Variants in FMN1 observed in about 807,000 individuals in gnomAD.
FMN1 encodes formin-1.
In FMN1, 110 loss-of-function variants were observed where a neutral mutation model predicts 132.4. The observed-to-expected ratio is 0.83, with a 90% confidence interval of 0.71 to 0.97. The LOEUF (loss-of-function observed/expected upper bound fraction) is 0.97. Ranked by LOEUF, FMN1 falls within the 50% of genes least tolerant of loss-of-function variation. FMN1 has a pLI of 0.00. For missense variants in FMN1, 1,792 were observed against 1,705.3 expected (o/e 1.05, Z -0.90); for synonymous variants, 722 against 651.7 (o/e 1.11, Z -1.64).
rs200309349 is a variant in FMN1, at chr15:32,848,983, T to TTTG, written c.3928+8031_3928+8032insCAA. Among the ~76,000 whole-genome samples the TTTG allele has an allele frequency of 7.5e-3, 877 of 117,320 alleles. 13 individuals are homozygous for TTTG. Among genetic ancestry groups the TTTG allele is most frequent in the African/African-American group, 0.04 (829 of 20,714 alleles). The allele number at this position is 117,320 out of a possible 152,430, so 77.0% of individuals were successfully genotyped here. On this transcript the variant is annotated intron_variant, in intron 17 of 20. Coordinates refer to ENST00000616417, the MANE Select transcript of FMN1 (RefSeq NM_001277313.2). ...CTTGGGTTAGTTCTCTTTTGTTTTT[T>TTTG]TTTTTTTTTTTTTTTTCAGAGACAG... is the stretch of plus-strand genomic sequence containing the variant.
chr15:32,786,008 T>C (rs2056866262), intron 19 of FMN1, among the ~76,000 whole-genome samples: 1 of 152,150 alleles, frequency 6.6e-6, no homozygotes, highest in Non-Finnish European at 1.5e-5. Context: ...GTCTAAAAAA[T>C]GGATACGGTA....
chr15:33,172,443 C>A (rs1032293651), intron 3 of FMN1, among the ~76,000 whole-genome samples: 18 of 152,292 alleles, frequency 1.2e-4, no homozygotes, highest in African/African-American at 4.1e-4. Context: ...AGGTACCACA[C>A]ATGCGGTGAG....
Position 33,154,973 on chromosome 15 carries a change from C to A in FMN1, c.-59G>T. 1 of 1,403,454 alleles carries A rather than the reference C, an allele frequency of 7.1e-7. No homozygotes were observed. 86.9% of individuals were successfully genotyped at this position (1,403,454 alleles called of 1,614,324 possible). ...CCGGTTTGTGGTCAGGCTTCCCAGG[C>A]TCCAGTGGTGAGGCATGTGATGGTG... On this transcript the variant is annotated 5_prime_UTR_variant, in exon 4 of 21. Coordinates refer to ENST00000616417, the MANE Select transcript of FMN1 (RefSeq NM_001277313.2).
chr15:32,931,636 T>C (rs539656162), intron 9 of FMN1, among the ~76,000 whole-genome samples: 1 of 152,332 alleles, frequency 6.6e-6, no homozygotes, highest in East Asian at 1.9e-4. Flanking sequence ...TATAAGATCA[T>C]ATCTGTGAAC....
chr15:32,782,424 ACTGATTAG>A (rs1398291074), intron 19 of FMN1, among the ~76,000 whole-genome samples: 3 of 152,240 alleles, frequency 2.0e-5, no homozygotes, highest in Non-Finnish European at 4.4e-5. Flanking sequence ...AGTTCCAGTT[ACTGATTAG>A]CTGATTAAGT....
intron 15 of FMN1, among the ~76,000 whole-genome samples, chr15:32,888,940 C>G (rs2059960446): frequency 6.6e-6 from 1 of 151,302 alleles, no homozygotes; most frequent in African/African-American, 2.4e-5. Flanking sequence ...TTCACTGCAG[C>G]CTTGACCTTC....
At chr15:33,172,132 T>C (rs904854971) in intron 3 of FMN1, among the ~76,000 whole-genome samples, 2 of 150,556 alleles carry the variant, frequency 1.3e-5, no homozygotes, top group African/African-American at 2.5e-5. Flanking sequence ...GGCGTGAACC[T>C]GGAAGGCGGA....
rs2035619177 is a variant in FMN1, at chr15:33,025,399, T to C, written c.2162-17324A>G. Among the ~76,000 whole-genome samples, 3 of 152,254 alleles carry C rather than the reference T, an allele frequency of 2.0e-5. No homozygotes were observed. The South Asian group carries it at 6.2e-4, about 32-fold the overall frequency. On this transcript the variant is annotated intron_variant, in intron 6 of 20. Transcript: ENST00000616417. ...TTCAGGAACATATATTTTCAAAATATATCACTGACATATTTGCAAAAAATT... is the reference window on the plus strand; with the variant it reads ...TTCAGGAACATATATTTTCAAAATACATCACTGACATATTTGCAAAAAATT...
chr15:32,802,641 C>T (rs996149428), intron 18 of FMN1, among the ~76,000 whole-genome samples: 7 of 152,180 alleles, frequency 4.6e-5, no homozygotes, highest in Non-Finnish European at 7.4e-5. Flanking sequence ...AGCTAATGCA[C>T]GGCAGCAGTT....
At chr15:32,968,652 A>C in intron 8 of FMN1, 62 bp downstream of exon 8, 8 of 1,600,970 alleles carry the variant, frequency 5.0e-6, no homozygotes, top group Non-Finnish European at 6.8e-6. Context: ...GTAAGAATAA[A>C]ATATCACTTG....
intron 7 of FMN1, among the ~76,000 whole-genome samples, chr15:33,007,635 A>C (rs1016307725): frequency 6.6e-6 from 1 of 152,184 alleles, no homozygotes; most frequent in Non-Finnish European, 1.5e-5. Flanking sequence ...TGTGCTAAGA[A>C]ACATACAGAC....
chr15:32,985,984 G>C (rs1040103541), intron 7 of FMN1, among the ~76,000 whole-genome samples: 9 of 152,212 alleles, frequency 5.9e-5, no homozygotes, highest in Admixed American at 5.2e-4. Context: ...AATGTTAGGA[G>C]TTATTTTTCA....
chr15:32,964,987 G>C (rs893393787), intron 8 of FMN1, among the ~76,000 whole-genome samples: 2 of 152,202 alleles, frequency 1.3e-5, no homozygotes, highest in Admixed American at 6.5e-5. Flanking sequence ...AAGCTCTTGA[G>C]AATCAGGCGT....
Sources: allele counts gnomAD v4.1 joint callset (sites outside exome capture counted in the v4.1 genomes callset), GRCh38; gene constraint gnomAD v4.1.1; transcripts MANE v1.5; gene names NCBI Gene and HGNC (gene_info 2026-07-23, HGNC 2026-07-21).